SRD5A3: variants seen among roughly 807,000 people sequenced by gnomAD.
The protein encoded by SRD5A3 is polyprenal reductase.
Under a neutral mutation model 34.3 loss-of-function variants are expected in SRD5A3, and 24 were observed. The ratio of observed to expected loss-of-function variants is 0.70; its 90% CI spans 0.51 to 0.99. The LOEUF (loss-of-function observed/expected upper bound fraction) is 0.99, where lower values mean the gene tolerates loss of function less well. SRD5A3 is among the 50% of genes least tolerant of loss of function. The probability of loss-of-function intolerance (pLI) is 0.00; values close to 1 mark genes in which losing one functional copy is unlikely to be tolerated. For missense variants in SRD5A3, 350 were observed against 388.2 expected, an observed-to-expected ratio of 0.90 and a Z score of 0.83; for synonymous variants, 161 against 167.3, an observed-to-expected ratio of 0.96 and a Z score of 0.29.
chr4:55,364,323 G>A lies in SRD5A3; in HGVS notation c.562+52G>A, dbSNP rs192424832. On this transcript the variant is annotated intron_variant, in intron 3 of 4. Transcript: ENST00000264228. ...CTCCCCACCCCAGGGTGTATGATGC[G>A]CTCTCGGGGCTTGTGCTGTGCTAAG... is the stretch of plus-strand genomic sequence containing the variant. The A allele has an allele frequency of 6.7e-5, 106 of 1,576,918 alleles. 2 individuals carry two copies. The highest frequency in any genetic ancestry group is 5.9e-4 in the South Asian group (53 of 90,108).
At chr4:55,352,383 T>G in intron 1 of SRD5A3, 1 of 779,338 alleles carries the variant, frequency 1.3e-6, no homozygotes, top group South Asian at 1.3e-5. Flanking sequence ...GGTCGCATAC[T>G]TCCTTGTTTT....
chr4:55,358,981 T>A (rs1397932434), intron 1 of SRD5A3: 4 of 275,138 alleles, frequency 1.5e-5, no homozygotes, highest in Non-Finnish European at 2.8e-5. Flanking sequence ...ATTTAGCTTG[T>A]TTTAGCACAG....
intron 1 of SRD5A3, among the ~76,000 whole-genome samples, chr4:55,353,516 A>C (rs975401212): frequency 6.6e-6 from 1 of 152,216 alleles, no homozygotes; most frequent in Non-Finnish European, 1.5e-5. Flanking sequence ...CACCCGAGCC[A>C]GCAGCGCCAA....
chr4:55,354,768 C>T (rs1023250354), intron 1 of SRD5A3, among the ~76,000 whole-genome samples: 1 of 152,242 alleles, frequency 6.6e-6, no homozygotes, highest in African/African-American at 2.4e-5. Context: ...CATTAGTTTT[C>T]TCAGTAGCAG....
At chr4:55,352,473 C>A in intron 1 of SRD5A3, 2 of 657,284 alleles carry the variant, frequency 3.0e-6, no homozygotes, top group South Asian at 1.5e-5. Context: ...ACGAAACTGC[C>A]GAAGGGGTCC....
intron 1 of SRD5A3, among the ~76,000 whole-genome samples, chr4:55,350,776 T>C (rs1378611583): frequency 6.7e-6 from 1 of 150,364 alleles, no homozygotes; most frequent in Non-Finnish European, 1.5e-5. Context: ...TTTTTTTTTT[T>C]TTTTTTGAGA....
intron 4 of SRD5A3, 160 bp from the exon 5 acceptor site, chr4:55,369,672 A>G (rs1315829628): frequency 2.6e-6 from 2 of 773,632 alleles, no homozygotes; most frequent in Non-Finnish European, 4.1e-6. Flanking sequence ...TTGAGACTAC[A>G]GTGAGCCATG....
chr4:55,346,491 A>G lies in SRD5A3; in HGVS notation c.155A>G (p.Tyr52Cys), dbSNP rs763603834. Reference sequence around the variant, plus strand: ...GCGATCTTCCAGGACCTGATCCGCTATGGGAAAACCAAGTGTGGGGAGCCG... The same window carrying G: ...GCGATCTTCCAGGACCTGATCCGCTGTGGGAAAACCAAGTGTGGGGAGCCG... Reference protein sequence around the residue: ...GCAIFQDLIRYGKTKCGEPSR... With the variant: ...GCAIFQDLIRCGKTKCGEPSR... The change falls in exon 1 of 5, where the codon TAT becomes TGT. Residue 52 changes from tyrosine to cysteine, a missense_variant. Physicochemically the swap from Tyr to Cys is radical, Grantham distance 194. Transcript: ENST00000264228. The G allele has an allele frequency of 1.2e-6, 2 of 1,603,920 alleles. No homozygotes were observed. Among genetic ancestry groups the G allele is most frequent in the South Asian group, 2.2e-5 (2 of 90,042 alleles).
rs1212121732 is a variant in SRD5A3 at position 55,367,685 on chromosome 4, C to T, written c.660C>T (p.Cys220=). 6.2e-7 allele frequency: 1 copy of T among 1,613,868 alleles called. No individual in the cohort carries two copies. The highest frequency in any genetic ancestry group is 1.7e-5 in the Admixed American group (1 of 60,014). ...FIWSSAHQYK[C]HVILGNLRKN... ...GGTCATCTGCCCATCAGTATAAGTG[C>T]CATGTTATTCTCGGCAATCTCAGGA... Residue 220 remains cysteine (C), a synonymous_variant, in exon 4 of 5, where the codon TGC becomes TGT. Coordinates refer to ENST00000264228, the MANE Select transcript of SRD5A3 (RefSeq NM_024592.5).
chr4:55,348,543 A>G (rs1719078582), intron 1 of SRD5A3, among the ~76,000 whole-genome samples: 1 of 152,262 alleles, frequency 6.6e-6, no homozygotes, highest in African/African-American at 2.4e-5. Flanking sequence ...CACTTTTATC[A>G]TTTAAAAAAA....
At chr4:55,359,323 C>G (rs1422309449) in intron 1 of SRD5A3, 23 bp from the exon 2 acceptor site, 1 of 1,613,532 alleles carries the variant, frequency 6.2e-7, no homozygotes, top group South Asian at 1.1e-5. Flanking sequence ...CTAATTATTG[C>G]CTCGCTTGTT....
chr4:55,350,324 C>T (rs1188993756), intron 1 of SRD5A3, among the ~76,000 whole-genome samples: 6 of 152,048 alleles, frequency 3.9e-5, no homozygotes, highest in Admixed American at 1.3e-4. Context: ...GAGCCAAGAT[C>T]GCGCCACTGC....
chr4:55,357,885 G>A (rs929635831), intron 1 of SRD5A3, among the ~76,000 whole-genome samples: 1 of 152,168 alleles, frequency 6.6e-6, no homozygotes, highest in Non-Finnish European at 1.5e-5. Context: ...GATAGAATTT[G>A]CTAACAGTAA....
At chr4:55,348,435 T>C (rs1156368844) in intron 1 of SRD5A3, among the ~76,000 whole-genome samples, 43 of 152,222 alleles carry the variant, frequency 2.8e-4, no homozygotes, top group Admixed American at 2.8e-3. Context: ...TTATATGAAA[T>C]AGGCAGATAA....
chr4:55,360,299 G>C (rs1164739437), intron 2 of SRD5A3, among the ~76,000 whole-genome samples: 1 of 151,874 alleles, frequency 6.6e-6, no homozygotes, highest in African/African-American at 2.4e-5. Flanking sequence ...TTGAGATCAG[G>C]AGTTCAAGAC....
Position 55,369,970 on chromosome 4 carries a change from T to C in SRD5A3, c.836T>C (p.Leu279Pro). 6.2e-7 allele frequency: 1 copy of C among 1,614,236 alleles called. No individual in the cohort carries two copies. Residue 279 changes from leucine (L) to proline (P), a missense_variant, in exon 5 of 5, where the codon CTA (leucine) becomes CCA (proline). Coordinates refer to ENST00000264228, the MANE Select transcript of SRD5A3 (RefSeq NM_024592.5). Reference sequence around the variant, plus strand: ...GGGTTCCACAACTTAACTTGGTGGCTAGTGGTGACAAATGTCTTCTTTAAT... The same window carrying C: ...GGGTTCCACAACTTAACTTGGTGGCCAGTGGTGACAAATGTCTTCTTTAAT... ...TFGFHNLTWW[L>P]VVTNVFFNQA... is the part of the protein sequence containing the mutation.
At chr4:55,351,964 C>A in intron 1 of SRD5A3, 1 of 747,036 alleles carries the variant, frequency 1.3e-6, no homozygotes, top group Non-Finnish European at 2.5e-6. Context: ...TGCTGAATTA[C>A]TCTCTGTACT....
chr4:55,346,524 C>T lies in SRD5A3; in HGVS notation c.188C>T (p.Pro63Leu), dbSNP rs1266348821. The T allele has an allele frequency of 6.3e-7, 1 of 1,597,524 alleles. No individual in the cohort carries two copies. Residue 63 changes from proline (P) to leucine (L), a missense_variant, in exon 1 of 5, where the codon CCC becomes CTC. By Grantham distance (98) the Pro-to-Leu change is moderately conservative (BLOSUM62 -3). Transcript: ENST00000264228. ...ACCAAGTGTGGGGAGCCGTCGCGCC[C>T]CGCCGCCTGCCGAGCCTTTGATGTC... ...GKTKCGEPSR[P>L]AACRAFDVPK...
chr4:55,366,544 A>G (rs1157836619), intron 3 of SRD5A3: 1 of 152,242 alleles, frequency 6.6e-6, no homozygotes, highest in African/African-American at 2.4e-5. Context: ...CTAAAAGACT[A>G]TAGTAGATTG....
Sources: allele counts gnomAD v4.1 joint callset (sites outside exome capture counted in the v4.1 genomes callset), GRCh38; gene constraint gnomAD v4.1.1; transcripts MANE v1.5; gene names NCBI Gene and HGNC (gene_info 2026-07-23, HGNC 2026-07-21).